Variants in TMC5 observed in about 807,000 individuals in gnomAD.
TMC5 encodes the protein transmembrane channel-like protein 5.
In TMC5, 86 loss-of-function variants were observed where a neutral mutation model predicts 110.5. That is an observed-to-expected ratio of 0.78 (90% confidence interval 0.65 to 0.93). TMC5 has a LOEUF of 0.93. TMC5 is among the 40% of genes least tolerant of loss of function. The pLI, the probability that TMC5 is intolerant of heterozygous loss-of-function variation, is 0.00. For missense variants in TMC5, 1,144 were observed against 1,222.8 expected (o/e 0.94, Z 0.96); for synonymous variants, 455 against 439.5 (o/e 1.04, Z -0.44).
At chr16:19,434,334 T>A (rs1415625989) in intron 2 of TMC5, among the ~76,000 whole-genome samples, 5 of 124,946 alleles carry the variant, frequency 4.0e-5, no homozygotes, top group Non-Finnish European at 6.4e-5. Flanking sequence ...GATCTATATA[T>A]AATATATATT....
Position 19,469,728 on chromosome 16 carries a change from C to G in TMC5, c.1685C>G (p.Ser562Cys), listed in dbSNP as rs889721509. ...AACTTCATTAATCCCCACATTTACT[C>G]CGGAGGGATCACCAAGCTGATCTTT... The part of the protein sequence containing the change: ...RNNFINPHIY[S>C]GGITKLIFCW... The change falls in exon 10 of 22, where the codon TCC becomes TGC. Residue 562 changes from serine to cysteine, a missense_variant. Transcript: ENST00000542583. 6 of 1,614,142 alleles carry G rather than the reference C, an allele frequency of 3.7e-6. No individual in the cohort carries two copies. The highest frequency in any genetic ancestry group is 2.7e-5 in the African/African-American group (2 of 75,044).
At position 19,490,427 on chromosome 16, in the gene TMC5, G is replaced by A. The variant is rs752208363; in HGVS notation, c.2606G>A (p.Arg869Gln). ...LKPSADCGPFRGLPLFIHSIY... is the reference protein window; with the variant it reads ...LKPSADCGPFQGLPLFIHSIY... ...CCTTCAGCTGACTGTGGCCCTTTTC[G>A]AGGTCTGCCTCTCTTCATTCACTCC... Residue 869 changes from arginine to glutamine, a missense_variant, in exon 18 of 22, where the codon CGA (arginine) becomes CAA (glutamine). Arg to Gln is a conservative substitution (Grantham distance 43, BLOSUM62 1). Coordinates refer to ENST00000542583, the MANE Select transcript of TMC5 (RefSeq NM_001261841.2). 1.1e-5 allele frequency: 18 copies of A among 1,613,976 alleles called. No individual in the cohort carries two copies. The highest frequency in any genetic ancestry group is 1.4e-5 in the Non-Finnish European group (17 of 1,180,024).
chr16:19,463,439 C>A, intron 7 of TMC5, 72 bp downstream of exon 7: 1 of 1,261,998 alleles, frequency 7.9e-7, no homozygotes, highest in Non-Finnish European at 1.2e-6. Context: ...AAAGGGGACT[C>A]AGGGGGAAGA....
intron 5 of TMC5, among the ~76,000 whole-genome samples, chr16:19,454,651 G>C (rs1967824027): frequency 6.6e-6 from 1 of 152,068 alleles, no homozygotes; most frequent in South Asian, 2.1e-4. Context: ...GTTCAATTTT[G>C]ACATTTAATG....
At chr16:19,457,143 GC>G (rs1171878724) in intron 5 of TMC5, 1 of 748,248 alleles carries the variant, frequency 1.3e-6, no homozygotes, top group African/African-American at 1.8e-5. Context: ...TAATCCTACG[GC>G]TTTGGGAGGC....
At chr16:19,494,506 T>G (rs769916115) in intron 20 of TMC5, 140 bp downstream of exon 20, 25 of 604,098 alleles carry the variant, frequency 4.1e-5, no homozygotes, top group Non-Finnish European at 6.4e-5. Flanking sequence ...CTGTGGTTTT[T>G]ACTTAAAAAG....
chr16:19,487,148 G>A (rs774862898), intron 16 of TMC5, 45 bp from the exon 17 acceptor site: 23 of 1,602,532 alleles, frequency 1.4e-5, no homozygotes, highest in South Asian at 1.3e-4. Flanking sequence ...TCCCTCTGCC[G>A]CTGCTCCGGC....
At chr16:19,447,167 G>A (rs1967633469) in intron 4 of TMC5, among the ~76,000 whole-genome samples, 1 of 152,142 alleles carries the variant, frequency 6.6e-6, no homozygotes, top group South Asian at 2.1e-4. Context: ...TTGGCATTTG[G>A]CTGAACTACG....
upstream of TMC5, among the ~76,000 whole-genome samples, chr16:19,416,017 T>TA (rs1385780212): frequency 1.3e-5 from 2 of 152,080 alleles, no homozygotes; most frequent in Non-Finnish European, 2.9e-5. Flanking sequence ...CCCATATCTA[T>TA]AAAAATTTAA....
chr16:19,479,428 C>T lies in TMC5; in HGVS notation c.2170-3C>T, dbSNP rs1399156947. On this transcript the variant is annotated splice_region_variant and splice_polypyrimidine_tract_variant and intron_variant, in intron 13 of 21. Coordinates refer to ENST00000542583, the MANE Select transcript of TMC5 (RefSeq NM_001261841.2). ...CACATCCTGACTCTTGTTTGCCTTCCAGTGTTGGGAAACCCTCATTGGCCA... is the reference window on the plus strand; with the variant it reads ...CACATCCTGACTCTTGTTTGCCTTCTAGTGTTGGGAAACCCTCATTGGCCA... 3.1e-6 allele frequency: 5 copies of T among 1,612,334 alleles called. No individual in the cohort carries two copies. The highest frequency in any genetic ancestry group is 4.2e-6 in the Non-Finnish European group (5 of 1,178,406).
rs1198196974 is a variant in TMC5, at chr16:19,490,563, T to C, written c.2742T>C (p.Ile914=). The C allele has an allele frequency of 7.4e-6, 12 of 1,613,902 alleles. No individual in the cohort carries two copies. Among genetic ancestry groups the C allele is most frequent in the Non-Finnish European group, 1.0e-5 (12 of 1,179,994 alleles). Reference sequence around the variant, plus strand: ...ACTTCTTTTTCATCCTCACCCTCATTGTGCTGTGAGTGTGGTACCCGGGGA... The same window carrying C: ...ACTTCTTTTTCATCCTCACCCTCATCGTGCTGTGAGTGTGGTACCCGGGGA... ...SVHFFFILTL[I]VLIITYLYWQ... The change falls in exon 18 of 22, where the codon ATT becomes ATC. Residue 914 remains isoleucine (I), a synonymous_variant. Coordinates refer to ENST00000542583, the MANE Select transcript of TMC5 (RefSeq NM_001261841.2).
At chr16:19,492,943 A>ATATTATAT (rs61334845) in intron 19 of TMC5, among the ~76,000 whole-genome samples, 1 of 92,078 alleles carries the variant, frequency 1.1e-5, no homozygotes, top group Non-Finnish European at 2.4e-5. Flanking sequence ...TCTCTCTATA[A>ATATTATAT]GATAAATACT....
At chr16:19,464,875 T>C (rs1444204015) in intron 8 of TMC5, among the ~76,000 whole-genome samples, 1 of 151,844 alleles carries the variant, frequency 6.6e-6, no homozygotes, top group Non-Finnish European at 1.5e-5. Flanking sequence ...CGTTGATAGA[T>C]ACATACTTGA....
intron 2 of TMC5, among the ~76,000 whole-genome samples, chr16:19,435,262 C>T (rs899870865): frequency 3.3e-5 from 5 of 150,466 alleles, no homozygotes; most frequent in Admixed American, 6.7e-5. Context: ...GACGCCAAGG[C>T]GGGTGGATCA....
chr16:19,493,466 T>TTTCTCTCTCTCTTTC (rs55737824), intron 19 of TMC5, among the ~76,000 whole-genome samples: 72,594 of 123,744 alleles, frequency 0.59, 19,819 homozygotes, highest in South Asian at 0.74. Context: ...TCTCTCTCTC[T>TTTCTCTCTCTCTTTC]TTTTTTTTTT....
At chr16:19,479,254 C>G (rs1050322190) in intron 13 of TMC5, among the ~76,000 whole-genome samples, 177 bp from the exon 14 acceptor site, 1 of 152,116 alleles carries the variant, frequency 6.6e-6, no homozygotes, top group East Asian at 1.9e-4. Context: ...GAACAACATC[C>G]CTGGGAACAA....
At chr16:19,457,706 ATTCTTTTTTTT>A (rs1967915555) in intron 5 of TMC5, among the ~76,000 whole-genome samples, 1 of 41,078 alleles carries the variant, frequency 2.4e-5, no homozygotes, top group Non-Finnish European at 8.0e-5. Flanking sequence ...CCAAGACTAC[ATTCTTTTTTTT>A]TTTTTTTTTT....
chr16:19,476,050 A>G (rs2143666882), intron 12 of TMC5, among the ~76,000 whole-genome samples: 1 of 152,240 alleles, frequency 6.6e-6, no homozygotes, highest in South Asian at 2.1e-4. Context: ...TATCCAATTC[A>G]TATTATGAAA....
At chr16:19,471,305 G>A (rs1968336045) in intron 10 of TMC5, among the ~76,000 whole-genome samples, 1 of 152,048 alleles carries the variant, frequency 6.6e-6, no homozygotes. Flanking sequence ...TGCCCAGGCT[G>A]GTCTTGAACT....
Sources: gnomAD v4.1 joint callset for allele counts (sites outside exome capture counted in the v4.1 genomes callset) on GRCh38, gnomAD v4.1.1 for gene constraint, MANE v1.5 for transcripts, NCBI Gene and HGNC (gene_info 2026-07-23, HGNC 2026-07-21) for gene names.